The following ITGA3 variants were observed in gnomAD, a reference collection of about 807,000 sequenced individuals.
ITGA3 encodes integrin subunit alpha 3.
In ITGA3, 70 loss-of-function variants were observed where a neutral mutation model predicts 131.1. That is an observed-to-expected ratio of 0.53 (90% CI 0.44 to 0.65). The LOEUF (loss-of-function observed/expected upper bound fraction) is 0.65, where lower values mean the gene tolerates loss of function less well. Among genes scored for constraint, ITGA3 ranks in the 30% least tolerant of loss-of-function variants. The pLI, the probability that ITGA3 is intolerant of heterozygous loss-of-function variation, is 0.00. For synonymous variants in ITGA3, 537 were observed against 571.6 expected, an observed-to-expected ratio of 0.94 and a Z score of 0.86; for missense variants, 1,098 against 1,388.6, an observed-to-expected ratio of 0.79 and a Z score of 3.33.
At chr17:50,085,381 C>A (rs1909342029) in intron 23 of ITGA3, among the ~76,000 whole-genome samples, 2 of 150,582 alleles carry the variant, frequency 1.3e-5, no homozygotes, top group African/African-American at 4.9e-5. Context: ...TTACTGGGAA[C>A]CAGCTGGGCA....
At chr17:50,058,057 C>T (rs1452101538) in intron 1 of ITGA3, among the ~76,000 whole-genome samples, 1 of 152,262 alleles carries the variant, frequency 6.6e-6, no homozygotes, top group Non-Finnish European at 1.5e-5. Context: ...GATTTTCAGA[C>T]TTTCAATGCC....
chr17:50,073,730 G>T (rs1481660202), intron 7 of ITGA3, among the ~76,000 whole-genome samples, 186 bp from the exon 8 acceptor site: 3 of 152,028 alleles, frequency 2.0e-5, no homozygotes, highest in Non-Finnish European at 4.4e-5. Flanking sequence ...GAGGAAGCTG[G>T]GCTCCAGATG....
At chr17:50,080,132 A>C in intron 21 of ITGA3, 130 bp from the exon 22 acceptor site, 1 of 580,190 alleles carries the variant, frequency 1.7e-6, no homozygotes, top group Middle Eastern at 2.7e-4. Flanking sequence ...GCATGAGTGA[A>C]AGGAAGTCAG....
At chr17:50,061,697 G>A (rs1908087276) in intron 1 of ITGA3, among the ~76,000 whole-genome samples, 1 of 152,124 alleles carries the variant, frequency 6.6e-6, no homozygotes, top group South Asian at 2.1e-4. Flanking sequence ...CACCAAAGGA[G>A]TCTCTTCTTT....
intron 25 of ITGA3, among the ~76,000 whole-genome samples, chr17:50,088,755 C>T (rs1007706011): frequency 6.6e-6 from 1 of 152,202 alleles, no homozygotes; most frequent in Non-Finnish European, 1.5e-5. Context: ...CTCCTGGGAA[C>T]TAGCCTGTTT....
rs775263371 is a variant in ITGA3 at position 50,075,780 on chromosome 17, G to A, written c.1674+45G>A. On this transcript the variant is annotated intron_variant, in intron 12 of 25. Coordinates refer to ENST00000320031, the MANE Select transcript of ITGA3 (RefSeq NM_002204.4). ...CAGGATGAGGGCTCCCAGGTCCCTG[G>A]AGGAGGTGGCCAGTGTCCCCCTAGA... 25 of 1,606,198 alleles carry A rather than the reference G, an allele frequency of 1.6e-5. No individual in the cohort carries two copies. In the East Asian group the frequency reaches 5.6e-4, roughly 36 times the overall value.
rs376390647 is a variant in ITGA3 at position 50,064,482 on chromosome 17, A to C, written c.335-46A>C. ...GCCCTCTGGAGACTTTGGGCACTGA[A>C]GTATGGGTGAGGTGCTCTGATTCAT... On this transcript the variant is annotated intron_variant, in intron 2 of 25. Transcript: ENST00000320031. The surrounding 1 kb of genome is among the most constrained non-coding windows in gnomAD (Gnocchi z 4.4). 4 of 1,566,948 alleles carry C rather than the reference A, an allele frequency of 2.6e-6. 1 individual carries two copies. The highest frequency in any genetic ancestry group is 3.5e-6 in the Non-Finnish European group (4 of 1,152,848).
intron 13 of ITGA3, 31 bp downstream of exon 13, chr17:50,076,506 C>G (rs1333949538): frequency 1.2e-6 from 2 of 1,607,660 alleles, no homozygotes; most frequent in Non-Finnish European, 8.5e-7. Context: ...GACTGGAAGA[C>G]CAGGGGCCAG....
rs748950147 is a variant in ITGA3 at position 50,079,514 on chromosome 17, T to C, written c.2663T>C (p.Val888Ala). 1.9e-6 allele frequency: 3 copies of C among 1,571,260 alleles called. No homozygotes were observed. The highest frequency in any genetic ancestry group is 2.2e-5 in the East Asian group (1 of 44,466). The change falls in exon 21 of 26, where the codon GTC becomes GCC. Residue 888 changes from valine (V) to alanine (A), a missense_variant. Val to Ala is a moderately conservative substitution (Grantham distance 64). Around this residue, in one of 3 missense-constraint regions of ITGA3, gnomAD observed 699 missense variants for 829.2 expected, o/e 0.84. Coordinates refer to ENST00000320031, the MANE Select transcript of ITGA3 (RefSeq NM_002204.4). Reference protein sequence around the residue: ...DPGGGQGPPPVTLAAAKKAKS... With the variant: ...DPGGGQGPPPATLAAAKKAKS... ...GGGGGAGGCCAGGGCCCCCCACCTG[T>C]CACTCTGGCTGCTGCCAAAAAAGCC...
In ITGA3 at chr17:50,089,391, C is replaced by T. The variant is rs1384204869; in HGVS notation, c.*313C>T. 2.7e-6 allele frequency: 2 copies of T among 740,830 alleles called. No individual in the cohort carries two copies. Among genetic ancestry groups the T allele is most frequent in the South Asian group, 1.7e-5 (1 of 59,864 alleles). The allele number at this position is 740,830 out of a possible 1,614,324, so 45.9% of individuals were successfully genotyped here. On this transcript the variant is annotated 3_prime_UTR_variant, in exon 26 of 26. Coordinates refer to ENST00000320031, the MANE Select transcript of ITGA3 (RefSeq NM_002204.4). ...TGGTAGCAGCAGGCTCAGGCACATA[C>T]ACCTCGTCAAGAGCATGCACATGCT...
In ITGA3 at chr17:50,076,579, C is replaced by T. The variant is rs184951071; in HGVS notation, c.1825-5C>T. ...GCGGCCTTCACACCTCCGGCCACCC[C>T]CCAGGTCCAGTTCCAGAAGGAGTGC... On this transcript the variant is annotated splice_polypyrimidine_tract_variant and splice_region_variant and intron_variant, in intron 13 of 25. Coordinates refer to ENST00000320031, the MANE Select transcript of ITGA3 (RefSeq NM_002204.4). 4 of 1,612,912 alleles carry T rather than the reference C, an allele frequency of 2.5e-6. No individual in the cohort carries two copies. Among genetic ancestry groups the T allele is most frequent in the Non-Finnish European group, 3.4e-6 (4 of 1,179,846 alleles).
chr17:50,071,453 G>T lies in ITGA3; in HGVS notation c.894G>T (p.Leu298=). The change falls in exon 6 of 26, where the codon CTG becomes CTT. Residue 298 remains leucine (L), a synonymous_variant. Coordinates refer to ENST00000320031, the MANE Select transcript of ITGA3 (RefSeq NM_002204.4). Reference sequence around the variant, plus strand: ...GAGACCTGCGGAGGAGGCAGGTGCTGGAGGGCTCGCAGGTGGGCGCCTATT... The same window carrying T: ...GAGACCTGCGGAGGAGGCAGGTGCTTGAGGGCTCGCAGGTGGGCGCCTATT... ...AGGDLRRRQV[L]EGSQVGAYFG... 6.2e-7 allele frequency: 1 copy of T among 1,613,764 alleles called. No homozygotes were observed. Among genetic ancestry groups the T allele is most frequent in the Non-Finnish European group, 8.5e-7 (1 of 1,180,002 alleles).
intron 25 of ITGA3, 64 bp from the exon 26 acceptor site, chr17:50,089,046 C>T (rs757317021): frequency 1.2e-4 from 163 of 1,321,830 alleles, no homozygotes; most frequent in Admixed American, 7.4e-4. Flanking sequence ...AGAGGCCTGG[C>T]ACTCCTTCCT....
At position 50,071,256 on chromosome 17, in the gene ITGA3, T is replaced by A. The variant is rs560301275; in HGVS notation, c.752-55T>A. On this transcript the variant is annotated intron_variant, in intron 5 of 25. Transcript: ENST00000320031. ...AGGGAATAGGGAGATGGGTCCAGAG[T>A]AGAAAGAGACGAAGTTGACTGGGAC... 1.3e-5 allele frequency: 20 copies of A among 1,494,302 alleles called. 2 individuals are homozygous for A. In the African/African-American group the frequency reaches 1.5e-4, roughly 11 times the overall value. The allele number at this position is 1,494,302 out of a possible 1,614,324, so 92.6% of individuals were successfully genotyped here. A position where few individuals can be genotyped will look rare whatever the true frequency, so the allele number is the denominator to read the frequency against.
At chr17:50,074,826 G>A (rs1567700787) in intron 10 of ITGA3, among the ~76,000 whole-genome samples, 1 of 152,188 alleles carries the variant, frequency 6.6e-6, no homozygotes, top group Non-Finnish European at 1.5e-5. Context: ...TGGAAAGGGG[G>A]ACGCATTTAA....
At chr17:50,086,315 C>A (rs1167330220) in intron 23 of ITGA3, 1 of 116,414 alleles carries the variant, frequency 8.6e-6, no homozygotes, top group Non-Finnish European at 1.8e-5. Flanking sequence ...TAACTGGGAA[C>A]CTTTAGTTTT....
chr17:50,065,123 C>A (rs534217794), intron 3 of ITGA3: 317 of 152,616 alleles, frequency 2.1e-3, no homozygotes, highest in African/African-American at 7.3e-3. Context: ...CATTTCCCCC[C>A]GCATTTTTTT....
At chr17:50,065,155 G>C (rs1377250413) in intron 3 of ITGA3, 1 of 152,332 alleles carries the variant, frequency 6.6e-6, no homozygotes, top group Non-Finnish European at 1.5e-5. Context: ...TCTTGTTGTT[G>C]TTGTTATATT....
rs914336845 is a variant in ITGA3 at position 50,090,141 on chromosome 17, C to T, written c.*1063C>T. 7.1e-6 allele frequency: 3 copies of T among 425,428 alleles called. No homozygotes were observed. Among genetic ancestry groups the T allele is most frequent in the Admixed American group, 2.5e-5 (1 of 40,246 alleles). The allele number at this position is 425,428 out of a possible 1,614,324, so 26.4% of individuals were successfully genotyped here. ...AGACCCTGCAAGACCACGGAGGGAG[C>T]GACACTTGAATGTAGAATAGGCAGG... On this transcript the variant is annotated 3_prime_UTR_variant, in exon 26 of 26. Coordinates refer to ENST00000320031, the MANE Select transcript of ITGA3 (RefSeq NM_002204.4).
Sources: allele counts gnomAD v4.1 joint callset (sites outside exome capture counted in the v4.1 genomes callset), GRCh38; gene constraint gnomAD v4.1.1; regional missense constraint gnomAD v4.1.1; non-coding constraint Gnocchi (gnomAD v3.1); transcripts MANE v1.5; gene names NCBI Gene and HGNC (gene_info 2026-07-23, HGNC 2026-07-21).